ADSL: variants seen among roughly 807,000 people sequenced by gnomAD.
ADSL encodes the protein adenylosuccinase.
Under a neutral mutation model 62.1 loss-of-function variants are expected in ADSL, and 44 were observed. That is an observed-to-expected ratio of 0.71 (90% CI 0.56 to 0.91). ADSL has a LOEUF of 0.91. Among genes scored for constraint, ADSL ranks in the 40% least tolerant of loss-of-function variants. The pLI, the probability that ADSL is intolerant of heterozygous loss-of-function variation, is 0.00. For missense variants in ADSL, 531 were observed against 627.4 expected (o/e 0.85, Z 1.64); for synonymous variants, 198 against 220.5 (o/e 0.90, Z 0.90).
At position 40,364,291 on chromosome 22, in the gene ADSL, A is replaced by C. The variant is rs775475956; in HGVS notation, c.1117A>C (p.Ile373Leu). The change falls in exon 11 of 13, where the codon ATT (isoleucine) becomes CTT (leucine). Residue 373 changes from isoleucine (I) to leucine (L), a missense_variant. Around this residue, in one of 2 missense-constraint regions of ADSL, gnomAD observed 471 missense variants for 592.9 expected, o/e 0.79. Coordinates refer to ENST00000623063, the MANE Select transcript of ADSL (RefSeq NM_000026.4). ...VVYPKVIERR[I>L]RQELPFMATE... Reference sequence around the variant, plus strand: ...TTTCCTATAGGTAATTGAACGGCGCATTCGGCAAGAGCTGCCTTTCATGGC... The same window carrying C: ...TTTCCTATAGGTAATTGAACGGCGCCTTCGGCAAGAGCTGCCTTTCATGGC... 1.9e-6 allele frequency: 3 copies of C among 1,614,016 alleles called. No homozygotes were observed. The highest frequency in any genetic ancestry group is 2.5e-6 in the Non-Finnish European group (3 of 1,180,030).
intron 4 of ADSL, among the ~76,000 whole-genome samples, chr22:40,354,868 CAAAA>C (rs58428966): frequency 1.4e-5 from 1 of 70,214 alleles, no homozygotes; most frequent in African/African-American, 4.9e-5. Context: ...GACTCCGTCT[CAAAA>C]AAAAAAAAAA....
intron 1 of ADSL, chr22:40,348,668 G>C (rs2044235746): frequency 2.5e-6 from 1 of 398,350 alleles, no homozygotes; most frequent in African/African-American, 2.1e-5. Context: ...TACCTGGCCT[G>C]ACTTTTTACT....
Position 40,351,264 on chromosome 22 carries a change from G to A in ADSL, c.357+1229G>A, listed in dbSNP as rs1029835755. ...CAGCTCACTGCAACCTCTGCCTCCC[G>A]AGTTCAAGCGATTCTCCTGCCTCAG... On this transcript the variant is annotated intron_variant, in intron 2 of 12. Coordinates refer to ENST00000623063, the MANE Select transcript of ADSL (RefSeq NM_000026.4). 6.6e-5 allele frequency among the ~76,000 whole-genome samples: 10 copies of A among 151,566 alleles called. No individual in the cohort carries two copies. In the South Asian group the frequency reaches 2.1e-3, roughly 32 times the overall value.
At chr22:40,351,633 C>A (rs763124135) in intron 2 of ADSL, among the ~76,000 whole-genome samples, 6 of 151,916 alleles carry the variant, frequency 3.9e-5, no homozygotes, top group Non-Finnish European at 5.9e-5. Flanking sequence ...TCAGAGTATA[C>A]CCATGGAGGT....
intron 12 of ADSL, among the ~76,000 whole-genome samples, chr22:40,365,427 G>T (rs1182714886): frequency 6.6e-6 from 1 of 152,182 alleles, no homozygotes; most frequent in African/African-American, 2.4e-5. Flanking sequence ...TTTATTGTCA[G>T]GTGGATCTGG....
intron 1 of ADSL, among the ~76,000 whole-genome samples, chr22:40,347,121 A>T (rs1356685615): frequency 6.6e-6 from 1 of 152,184 alleles, no homozygotes; most frequent in African/African-American, 2.4e-5. Flanking sequence ...TTTTTCCCAC[A>T]TTGCAGGGGA....
intron 11 of ADSL, 140 bp from the exon 12 acceptor site, chr22:40,364,740 A>G: frequency 1.2e-6 from 1 of 866,510 alleles, no homozygotes. Context: ...TGGTACAGAT[A>G]GACACAGGAA....
intron 2 of ADSL, among the ~76,000 whole-genome samples, chr22:40,380,238 T>C (rs1021720317): frequency 6.6e-6 from 1 of 152,230 alleles, no homozygotes; most frequent in Non-Finnish European, 1.5e-5. Context: ...TTTGTATGTG[T>C]GTGTGATTAA....
chr22:40,358,957 C>A lies in ADSL; in HGVS notation c.576C>A (p.Asp192Glu), dbSNP rs754005223. 56 of 1,614,054 alleles carry A rather than the reference C, an allele frequency of 3.5e-5. No homozygotes were observed. Among genetic ancestry groups the A allele is most frequent in the Non-Finnish European group, 1.7e-6 (2 of 1,180,050 alleles). Residue 192 changes from aspartate (D) to glutamate (E), a missense_variant, in exon 5 of 13, where the codon GAC (aspartate) becomes GAA (glutamate). Asp to Glu is a conservative substitution (Grantham distance 45). Transcript: ENST00000623063. Reference protein sequence around the residue: ...DLQNLKRVRDDLRFRGVKGTT... With the variant: ...DLQNLKRVRDELRFRGVKGTT... Reference sequence around the variant, plus strand: ...AGAACTTGAAGCGTGTCCGAGATGACCTGCGCTTCCGGGGAGTAAAGGGTA... The same window carrying A: ...AGAACTTGAAGCGTGTCCGAGATGAACTGCGCTTCCGGGGAGTAAAGGGTA...
rs1475023497 is a variant in ADSL at position 40,364,385 on chromosome 22, C to T, written c.1191+20C>T. On this transcript the variant is annotated intron_variant, in intron 11 of 12. Transcript: ENST00000623063. ...CGCCAGGTTTGTAACCCCTCATGTT[C>T]CTGGATAAGTTGAGAGTGCACGTTT... is the stretch of plus-strand genomic sequence containing the variant. The T allele has an allele frequency of 6.2e-7, 1 of 1,608,156 alleles. No homozygotes were observed. Among genetic ancestry groups the T allele is most frequent in the African/African-American group, 1.3e-5 (1 of 74,820 alleles).
intron 4 of ADSL, among the ~76,000 whole-genome samples, chr22:40,355,601 T>C (rs544738402): frequency 6.6e-6 from 1 of 152,352 alleles, no homozygotes; most frequent in South Asian, 2.1e-4. Flanking sequence ...CCATGTTTCA[T>C]TTACCCAATT....
rs747255804 is a variant in ADSL at position 40,349,909 on chromosome 22, A to C, written c.231A>C (p.Ala77=). 1.9e-6 allele frequency: 3 copies of C among 1,614,218 alleles called. No homozygotes were observed. In the South Asian group the frequency reaches 3.3e-5, roughly 18 times the overall value. ...TGGAGAACATCGACTTCAAGATGGC[A>C]GCTGAGGAAGAGAAACGTTTACGAC... The part of the protein sequence containing the change: ...SNLENIDFKM[A]AEEEKRLRHD... Residue 77 remains alanine, a synonymous_variant, in exon 2 of 13, where the codon GCA becomes GCC. Coordinates refer to ENST00000623063, the MANE Select transcript of ADSL (RefSeq NM_000026.4).
At chr22:40,351,091 C>T (rs1425220980) in intron 2 of ADSL, among the ~76,000 whole-genome samples, 1 of 152,112 alleles carries the variant, frequency 6.6e-6, no homozygotes, top group Non-Finnish European at 1.5e-5. Context: ...ACCTTCTGGG[C>T]TCAAGTGATT....
intron 12 of ADSL, 133 bp from the exon 13 acceptor site, chr22:40,366,303 G>A (rs1190950408): frequency 1.4e-6 from 1 of 712,242 alleles, no homozygotes; most frequent in Non-Finnish European, 2.5e-6. Flanking sequence ...AGGCAGTTGA[G>A]GAAAACAAGC....
chr22:40,366,332 C>T (rs2045004744), intron 12 of ADSL, 104 bp from the exon 13 acceptor site: 1 of 829,118 alleles, frequency 1.2e-6, no homozygotes, highest in South Asian at 1.4e-5. Context: ...GGAGTAAAAG[C>T]TTCATCAAAT....
At chr22:40,354,227 A>G (rs550732748) in intron 3 of ADSL, 21 bp from the exon 4 acceptor site, 3 of 1,610,520 alleles carry the variant, frequency 1.9e-6, no homozygotes, top group East Asian at 2.2e-5. Context: ...ACCTCTTTCT[A>G]TCACATGATC....
Position 40,365,011 on chromosome 22 carries a change from T to A in ADSL, c.1323T>A (p.Asp441Glu). ...AYFSPIHSQL[D>E]HLLDPSSFTG... ...TCAGTCCCATTCACTCCCAGTTGGATCATTTACTGGATCCTTCTTCTTTCA... is the reference window on the plus strand; with the variant it reads ...TCAGTCCCATTCACTCCCAGTTGGAACATTTACTGGATCCTTCTTCTTTCA... The change falls in exon 12 of 13, where the codon GAT becomes GAA. Residue 441 changes from aspartate (D) to glutamate (E), a missense_variant. By Grantham distance (45) the Asp-to-Glu change is conservative (BLOSUM62 2). Coordinates refer to ENST00000623063, the MANE Select transcript of ADSL (RefSeq NM_000026.4). 4 of 1,614,092 alleles carry A rather than the reference T, an allele frequency of 2.5e-6. No homozygotes were observed. Among genetic ancestry groups the A allele is most frequent in the Non-Finnish European group, 3.4e-6 (4 of 1,179,972 alleles).
downstream of ADSL, among the ~76,000 whole-genome samples, chr22:40,374,281 G>C (rs555838871): frequency 1.3e-5 from 2 of 152,244 alleles, no homozygotes; most frequent in South Asian, 4.1e-4. Context: ...TTTGAGAGTT[G>C]GGGAAGGAAC....
At chr22:40,349,788 CTG>C (rs750583169) in intron 1 of ADSL, 42 bp from the exon 2 acceptor site, 2 of 1,541,948 alleles carry the variant, frequency 1.3e-6, no homozygotes, top group East Asian at 2.3e-5. Context: ...ATTCAAATAA[CTG>C]TGACACTGAG....
Sources: gnomAD v4.1 joint callset for allele counts (sites outside exome capture counted in the v4.1 genomes callset) on GRCh38, gnomAD v4.1.1 for gene constraint, gnomAD v4.1.1 regional missense constraint, MANE v1.5 for transcripts, NCBI Gene and HGNC (gene_info 2026-07-23, HGNC 2026-07-21) for gene names.